CDKAL1: variants seen among roughly 807,000 people sequenced by gnomAD.
CDKAL1 encodes the protein threonylcarbamoyladenosine tRNA methylthiotransferase.
Under a neutral mutation model 68.2 loss-of-function variants are expected in CDKAL1, and 32 were observed. That is an observed-to-expected ratio of 0.47 (90% CI 0.35 to 0.63). CDKAL1 has a LOEUF of 0.63. Among genes scored for constraint, CDKAL1 ranks in the 30% least tolerant of loss-of-function variants. CDKAL1 has a pLI of 0.00. For synonymous variants in CDKAL1, 234 were observed against 244.3 expected (o/e 0.96, Z 0.39); for missense variants, 606 against 696.7 (o/e 0.87, Z 1.47).
At chr6:20,617,523 T>C (rs893149078) in intron 4 of CDKAL1, among the ~76,000 whole-genome samples, 1 of 152,330 alleles carries the variant, frequency 6.6e-6, no homozygotes, top group Middle Eastern at 3.4e-3. Context: ...ACCTGTTAAC[T>C]GGTCATTTAC....
chr6:20,639,671 G>A (rs1260041117), intron 4 of CDKAL1, among the ~76,000 whole-genome samples: 2 of 152,060 alleles, frequency 1.3e-5, no homozygotes, highest in East Asian at 3.9e-4. Context: ...TTTTTATTTT[G>A]TTTTCTTTTT....
intron 14 of CDKAL1, 159 bp from the exon 15 acceptor site, chr6:21,200,951 G>A (rs1039731331): frequency 1.3e-4 from 72 of 544,802 alleles, no homozygotes; most frequent in Non-Finnish European, 2.2e-4. Flanking sequence ...TGTGGCAAAA[G>A]TGCTATACTA....
At position 20,829,480 on chromosome 6, in the gene CDKAL1, A is replaced by G. The variant is rs114371166; in HGVS notation, c.639-16595A>G. Among the ~76,000 whole-genome samples the G allele has an allele frequency of 2.5e-3, 384 of 152,280 alleles. 1 individual carries two copies. Among genetic ancestry groups the G allele is most frequent in the Admixed American group, 4.8e-3 (73 of 15,292 alleles). On this transcript the variant is annotated intron_variant, in intron 8 of 15. Transcript: ENST00000274695. ...ATTACAGATTCGTTATATTAGGCCT[A>G]TTTACTTGCTTCCTCATATCACGAA... is the stretch of plus-strand genomic sequence containing the variant.
In CDKAL1 at chr6:21,024,573, C is replaced by G. The variant is rs559005594; in HGVS notation, c.1055+24201C>G. 3.9e-5 allele frequency among the ~76,000 whole-genome samples: 6 copies of G among 152,246 alleles called. No homozygotes were observed. The East Asian group carries it at 1.2e-3, about 29-fold the overall frequency. On this transcript the variant is annotated intron_variant, in intron 11 of 15. Transcript: ENST00000274695. ...ATGATTACAATGATAAGATTACCAT[C>G]AAAAATACATGTCCTCCAGCCTCAT...
chr6:21,202,928 A>G lies in CDKAL1; in HGVS notation c.1548+1654A>G, dbSNP rs74563114. Among the ~76,000 whole-genome samples the G allele has an allele frequency of 8.1e-3, 1,232 of 152,280 alleles. 13 individuals carry two copies. Among genetic ancestry groups the G allele is most frequent in the African/African-American group, 0.027 (1,138 of 41,550 alleles). On this transcript the variant is annotated intron_variant, in intron 15 of 15. Coordinates refer to ENST00000274695, the MANE Select transcript of CDKAL1 (RefSeq NM_017774.3). ...CCAAAAGTCCCGGATAAGATGAGGA[A>G]GCCAGTTGGTTGCTGGTCTGTTAGA...
chr6:20,924,828 G>A (rs1763114334), intron 9 of CDKAL1, among the ~76,000 whole-genome samples: 1 of 152,234 alleles, frequency 6.6e-6, no homozygotes, highest in African/African-American at 2.4e-5. Context: ...AGGCGCCTAT[G>A]CTAAACAACA....
intron 9 of CDKAL1, among the ~76,000 whole-genome samples, chr6:20,929,055 T>C (rs568878430): frequency 2.6e-5 from 4 of 152,178 alleles, no homozygotes; most frequent in African/African-American, 9.7e-5. Flanking sequence ...ATTACCCGCC[T>C]CCCTGCAGTT....
chr6:20,996,737 C>T (rs1175525111), intron 10 of CDKAL1, among the ~76,000 whole-genome samples: 1 of 152,136 alleles, frequency 6.6e-6, no homozygotes, highest in Non-Finnish European at 1.5e-5. Context: ...GAAGTGAGCA[C>T]ATGCTGTTGA....
At chr6:20,932,199 T>C (rs1376314239) in intron 9 of CDKAL1, among the ~76,000 whole-genome samples, 2 of 152,180 alleles carry the variant, frequency 1.3e-5, no homozygotes, top group Admixed American at 6.5e-5. Flanking sequence ...TTTAAAAGTT[T>C]CTCTGAAAGT....
At chr6:21,039,857 A>G (rs1029962347) in intron 11 of CDKAL1, among the ~76,000 whole-genome samples, 4 of 151,958 alleles carry the variant, frequency 2.6e-5, no homozygotes, top group Admixed American at 6.6e-5. Flanking sequence ...CTACTATTCC[A>G]TTTTTTCTGT....
intron 15 of CDKAL1, among the ~76,000 whole-genome samples, chr6:21,215,969 A>G (rs1447077490): frequency 6.6e-6 from 1 of 152,162 alleles, no homozygotes; most frequent in Non-Finnish European, 1.5e-5. Flanking sequence ...TGTAATCACA[A>G]TGGTCCTTAA....
intron 5 of CDKAL1, among the ~76,000 whole-genome samples, chr6:20,717,109 A>G (rs1581436415): frequency 6.6e-6 from 1 of 152,026 alleles, no homozygotes; most frequent in Admixed American, 6.6e-5. Flanking sequence ...TTCAGTGGAG[A>G]GGTGGACACA....
chr6:20,740,122 T>G (rs994303371), intron 6 of CDKAL1, among the ~76,000 whole-genome samples: 3 of 152,242 alleles, frequency 2.0e-5, no homozygotes, highest in African/African-American at 7.2e-5. Context: ...TGCAGTTACC[T>G]GTCGTATAAT....
chr6:20,665,704 GT>G (rs531576895), intron 5 of CDKAL1, among the ~76,000 whole-genome samples: 30 of 149,364 alleles, frequency 2.0e-4, no homozygotes, highest in African/African-American at 4.9e-4. Context: ...AGAGAGATGA[GT>G]TTTTTTTTTT....
intron 8 of CDKAL1, among the ~76,000 whole-genome samples, chr6:20,782,934 T>C (rs75845685): frequency 6.6e-6 from 1 of 152,122 alleles, no homozygotes; most frequent in African/African-American, 2.4e-5. Flanking sequence ...ATGCAGATTT[T>C]TTTTTCTTTT....
chr6:20,988,546 T>A (rs916641818), intron 10 of CDKAL1, among the ~76,000 whole-genome samples: 14 of 152,222 alleles, frequency 9.2e-5, no homozygotes, highest in Non-Finnish European at 1.9e-4. Flanking sequence ...ACCCATCATG[T>A]ACTGGCTGAA....
At chr6:20,937,075 GT>G (rs555789634) in intron 9 of CDKAL1, among the ~76,000 whole-genome samples, 21 of 151,802 alleles carry the variant, frequency 1.4e-4, no homozygotes, top group African/African-American at 4.8e-4. Context: ...TTCTTCAAGT[GT>G]TTTTTTTCTC....
intron 5 of CDKAL1, among the ~76,000 whole-genome samples, chr6:20,667,787 TA>T (rs1256133854): frequency 6.6e-6 from 1 of 152,164 alleles, no homozygotes; most frequent in Non-Finnish European, 1.5e-5. Context: ...CATTTTAGAC[TA>T]ATAGCAAAAT....
intron 13 of CDKAL1, among the ~76,000 whole-genome samples, chr6:21,121,123 A>G (rs574323143): frequency 6.6e-6 from 1 of 152,320 alleles, no homozygotes; most frequent in South Asian, 2.1e-4. Flanking sequence ...CACCATGTCA[A>G]CTAACTTTTA....
Sources: allele counts gnomAD v4.1 joint callset (sites outside exome capture counted in the v4.1 genomes callset), GRCh38; gene constraint gnomAD v4.1.1; transcripts MANE v1.5; gene names NCBI Gene and HGNC (gene_info 2026-07-23, HGNC 2026-07-21).